The following FAM153A variants were observed in gnomAD, a reference collection of about 807,000 sequenced individuals.
The protein encoded by FAM153A is family with sequence similarity 153 member A, also known as protein FAM153A.
A neutral mutation model predicts 48.1 loss-of-function variants in FAM153A; 12 were observed. The observed-to-expected ratio is 0.25, with a 90% CI of 0.16 to 0.40. The LOEUF (loss-of-function observed/expected upper bound fraction) is 0.40. Among genes scored for constraint, FAM153A ranks in the 10% least tolerant of loss-of-function variants. The pLI is 1.00. For synonymous variants in FAM153A, 36 were observed against 118.2 expected, an observed-to-expected ratio of 0.30 and a Z score of 4.51; for missense variants, 111 against 345.8, an observed-to-expected ratio of 0.32 and a Z score of 5.38.
downstream of FAM153A, among the ~76,000 whole-genome samples, chr5:177,709,499 T>G (rs1758199986): frequency 6.7e-6 from 1 of 148,544 alleles, no homozygotes; most frequent in Admixed American, 6.7e-5. Context: ...ATAGCTGGGA[T>G]TACAGGCGCC....
intron 25 of FAM153A, among the ~76,000 whole-genome samples, chr5:177,715,611 G>T (rs911891742): frequency 6.6e-6 from 1 of 151,654 alleles, no homozygotes; most frequent in African/African-American, 2.4e-5. Context: ...GCCTGTACTT[G>T]CCTTCACACT....
intron 2 of FAM153A, 92 bp from the exon 5 acceptor site, chr5:177,748,791 G>GT (rs1766405628): frequency 5.3e-6 from 4 of 756,224 alleles, no homozygotes; most frequent in Non-Finnish European, 8.1e-6. Context: ...GCTGGCATGT[G>GT]TAAAGGAGGT....
chr5:177,750,239 A>G (rs1438407218), intron 2 of FAM153A: 1 of 153,074 alleles, frequency 6.5e-6, no homozygotes, highest in Admixed American at 6.5e-5. Flanking sequence ...AATCCTCAGA[A>G]AAGGAGAGGA....
chr5:177,778,358 A>G (rs1769399781), intron 1 of FAM153A, among the ~76,000 whole-genome samples: 1 of 90,754 alleles, frequency 1.1e-5, no homozygotes, highest in Non-Finnish European at 2.2e-5. Context: ...AATAAAAAAT[A>G]GGGAATCTTG....
chr5:177,705,120 A>G (rs1757762670), downstream of FAM153A, among the ~76,000 whole-genome samples: 1 of 150,412 alleles, frequency 6.6e-6, no homozygotes, highest in African/African-American at 2.5e-5. Context: ...CCTGGCCAAC[A>G]TGGTGAAACC....
intron 10 of FAM153A, among the ~76,000 whole-genome samples, chr5:177,738,283 G>T (rs1224177453): frequency 6.6e-6 from 1 of 151,370 alleles, no homozygotes; most frequent in Non-Finnish European, 1.5e-5. Flanking sequence ...TAACACGCCT[G>T]ATTATTTTCT....
At position 177,731,508 on chromosome 5, in the gene FAM153A, C is replaced by T. The variant is rs1469157454; in HGVS notation, c.862+61G>A. On this transcript the variant is annotated intron_variant, in intron 16 of 20. Coordinates refer to ENST00000614127, the Ensembl canonical transcript of FAM153A. ...CCTTGAGCAAAAGCAGGTGAAGCAG[C>T]GCCACCTTTACAACACTAAGATTTC... The T allele has an allele frequency of 2.0e-5, 15 of 750,114 alleles. 3 individuals are homozygous for T. Among genetic ancestry groups the T allele is most frequent in the African/African-American group, 1.8e-4 (7 of 38,126 alleles). The allele number at this position is 750,114 out of a possible 1,614,324, so 46.5% of individuals were successfully genotyped here.
At chr5:177,758,891 A>T (rs1168006329) in intron 1 of FAM153A, among the ~76,000 whole-genome samples, 4 of 151,228 alleles carry the variant, frequency 2.6e-5, no homozygotes, top group African/African-American at 9.8e-5. Context: ...AACCTAGGCA[A>T]TACCATTCAG....
chr5:177,755,501 C>T (rs1381609848), upstream of FAM153A, among the ~76,000 whole-genome samples: 4 of 151,680 alleles, frequency 2.6e-5, no homozygotes, highest in East Asian at 5.8e-4. Flanking sequence ...AAACATACTC[C>T]TCGAGAAGAG....
downstream of FAM153A, among the ~76,000 whole-genome samples, chr5:177,707,452 C>T (rs866816690): frequency 3.4e-4 from 52 of 151,120 alleles, no homozygotes; most frequent in Admixed American, 5.3e-4. Flanking sequence ...AAAAAGGAAA[C>T]GAGAGAAAAA....
chr5:177,697,150 G>T, the FAM153A span, among the ~76,000 whole-genome samples: 1 of 150,786 alleles, frequency 6.6e-6, no homozygotes, highest in Admixed American at 6.6e-5. Flanking sequence ...AAGTTTTATT[G>T]TATCAAAGAA....
rs1375874639 is a variant in FAM153A at position 177,740,476 on chromosome 5, G to A, written c.466+301C>T. 3 of 113,372 alleles carry A rather than the reference G, an allele frequency of 2.6e-5. 1 individual carries two copies. Among genetic ancestry groups the A allele is most frequent in the Non-Finnish European group, 5.4e-5 (3 of 55,410 alleles). The allele number at this position is 113,372 out of a possible 1,614,324, so 7.0% of individuals were successfully genotyped here. A position where few individuals can be genotyped will look rare whatever the true frequency, so the allele number is the denominator to read the frequency against. ...GAATAACACCCCAATTCTTCCTTGA[G>A]CTCTTATTCTGCACTGTGTATTGGA... On this transcript the variant is annotated intron_variant, in intron 8 of 20. Coordinates refer to ENST00000614127, the Ensembl canonical transcript of FAM153A.
At chr5:177,753,226 C>A (rs1767278886), upstream of FAM153A, 4 of 1,605,780 alleles carry the variant, frequency 2.5e-6, no homozygotes, top group Non-Finnish European at 3.4e-6. Flanking sequence ...TCTGAGACAA[C>A]TAAGCTGCGT....
downstream of FAM153A, among the ~76,000 whole-genome samples, chr5:177,710,088 G>T (rs1254554288): frequency 6.7e-6 from 1 of 148,540 alleles, no homozygotes. Flanking sequence ...AACAAAGATT[G>T]TTCTGTATAT....
At chr5:177,757,652 G>C (rs1767875166), upstream of FAM153A, among the ~76,000 whole-genome samples, 1 of 151,406 alleles carries the variant, frequency 6.6e-6, no homozygotes, top group Non-Finnish European at 1.5e-5. Flanking sequence ...CTTCATCCCT[G>C]GGATGCAAGG....
intron 1 of FAM153A, among the ~76,000 whole-genome samples, chr5:177,769,069 CAA>C (rs1356659927): frequency 6.3e-5 from 4 of 63,016 alleles, no homozygotes; most frequent in Admixed American, 1.7e-4. Context: ...TAAAGAAATC[CAA>C]AAAAAAAAAA....
At chr5:177,695,917 GGCCGGGC>G in the FAM153A span, among the ~76,000 whole-genome samples, 44 of 110,348 alleles carry the variant, frequency 4.0e-4, no homozygotes, top group African/African-American at 2.0e-3. Context: ...CAGACAGGGT[GGCCGGGC>G]AGGGGCACTC....
intron 18 of FAM153A, 35 bp downstream of exon 20, chr5:177,728,988 A>G: frequency 1.8e-6 from 1 of 557,006 alleles, no homozygotes; most frequent in South Asian, 2.1e-5. Context: ...CTAAGATTTC[A>G]CACCTAAACA....
the FAM153A span, among the ~76,000 whole-genome samples, chr5:177,700,993 G>A: frequency 2.2e-4 from 33 of 152,036 alleles, 1 homozygote; most frequent in African/African-American, 8.0e-4. Flanking sequence ...GATGGGAGGT[G>A]AGTGGATCAT....
Sources: allele counts gnomAD v4.1 joint callset (sites outside exome capture counted in the v4.1 genomes callset), GRCh38; gene constraint gnomAD v4.1.1; transcripts MANE v1.5; gene names NCBI Gene and HGNC (gene_info 2026-07-23, HGNC 2026-07-21).